Variants in PTPRN2 observed in about 807,000 individuals in gnomAD.
PTPRN2 encodes the protein protein tyrosine phosphatase receptor type N2.
A neutral mutation model predicts 118.8 loss-of-function variants in PTPRN2; 74 were observed. That is an observed-to-expected ratio of 0.62 (90% confidence interval 0.52 to 0.76). The LOEUF is 0.76. PTPRN2 is among the 30% of genes least tolerant of loss of function. PTPRN2 has a pLI of 0.00. For synonymous variants in PTPRN2, 641 were observed against 608.0 expected (o/e 1.05, Z -0.80); for missense variants, 1,481 against 1,394.4 (o/e 1.06, Z -0.99).
chr7:157,645,279 C>T (rs538470098), intron 14 of PTPRN2, among the ~76,000 whole-genome samples: 16 of 152,330 alleles, frequency 1.1e-4, no homozygotes, highest in African/African-American at 3.1e-4. Context: ...CTCAGTCTCA[C>T]GCAAGCCAGA....
rs115069223 is a variant in PTPRN2 at position 158,124,727 on chromosome 7, G to C, written c.1556+8950C>G. On this transcript the variant is annotated intron_variant, in intron 9 of 22. Coordinates refer to ENST00000389418, the MANE Select transcript of PTPRN2 (RefSeq NM_002847.5). ...AGGAGCCCAGCTGCCGGGGCGGAGG[G>C]AGGGCCTGGTGGAGTGTCCCCAAGA... Among the ~76,000 whole-genome samples, 908 of 152,266 alleles carry C rather than the reference G, an allele frequency of 6.0e-3. 12 individuals carry two copies. The highest frequency in any genetic ancestry group is 0.021 in the African/African-American group (877 of 41,562).
chr7:157,769,516 A>G (rs1802675417), intron 12 of PTPRN2, among the ~76,000 whole-genome samples: 1 of 152,168 alleles, frequency 6.6e-6, no homozygotes, highest in South Asian at 2.1e-4. Context: ...GGATTTTGGA[A>G]TTCAGCCACC....
intron 6 of PTPRN2, among the ~76,000 whole-genome samples, chr7:158,145,384 G>T (rs904389873): frequency 6.6e-6 from 1 of 152,246 alleles, no homozygotes; most frequent in African/African-American, 2.4e-5. Flanking sequence ...TCGTGAGAAG[G>T]GGCGGCAGTG....
At chr7:158,514,628 C>T (rs1486557302) in intron 1 of PTPRN2, among the ~76,000 whole-genome samples, 2 of 152,136 alleles carry the variant, frequency 1.3e-5, no homozygotes, top group Admixed American at 6.5e-5. Context: ...CTCACGGGTG[C>T]GTCAAAGAGA....
intron 13 of PTPRN2, among the ~76,000 whole-genome samples, chr7:157,665,879 CAA>C (rs1285236487): frequency 2.6e-5 from 4 of 152,160 alleles, no homozygotes; most frequent in African/African-American, 7.2e-5. Flanking sequence ...CAAAATATCA[CAA>C]AGACAGAAAA....
At chr7:158,065,210 C>T (rs1810665618) in intron 11 of PTPRN2, among the ~76,000 whole-genome samples, 1 of 152,228 alleles carries the variant, frequency 6.6e-6, no homozygotes, top group African/African-American at 2.4e-5. Flanking sequence ...ACCAACGTCT[C>T]TCCTGGTCAT....
At chr7:158,210,728 A>C (rs569547772) in intron 3 of PTPRN2, among the ~76,000 whole-genome samples, 147 of 152,342 alleles carry the variant, frequency 9.6e-4, no homozygotes, top group African/African-American at 3.4e-3. Context: ...AGAAATGGAT[A>C]AATTCCTAGA....
At chr7:157,876,930 T>C (rs1795801730) in intron 12 of PTPRN2, among the ~76,000 whole-genome samples, 1 of 152,192 alleles carries the variant, frequency 6.6e-6, no homozygotes, top group Non-Finnish European at 1.5e-5. Context: ...GAAATGGGCC[T>C]TGATGCCCTG....
chr7:157,771,846 A>T (rs1375489721), intron 12 of PTPRN2, among the ~76,000 whole-genome samples: 2 of 150,684 alleles, frequency 1.3e-5, no homozygotes, highest in South Asian at 4.2e-4. Context: ...CACAAGACAC[A>T]AACAGACACA....
At chr7:158,309,556 G>A (rs1032898139) in intron 3 of PTPRN2, among the ~76,000 whole-genome samples, 1 of 152,212 alleles carries the variant, frequency 6.6e-6, no homozygotes, top group African/African-American at 2.4e-5. Flanking sequence ...CCTGACTAAT[G>A]CATTTGACAA....
intron 13 of PTPRN2, among the ~76,000 whole-genome samples, chr7:157,669,387 A>C (rs1278016539): frequency 1.3e-5 from 2 of 151,992 alleles, no homozygotes; most frequent in Non-Finnish European, 2.9e-5. Context: ...TAACTTTTAC[A>C]CTTGGACCAA....
intron 11 of PTPRN2, among the ~76,000 whole-genome samples, chr7:158,063,267 T>TTTAG (rs1810498864): frequency 6.6e-6 from 1 of 151,990 alleles, no homozygotes; most frequent in Non-Finnish European, 1.5e-5. Context: ...CACTCTTGTG[T>TTTAG]CTAGCTAATG....
At chr7:157,762,602 G>T (rs1374515376) in intron 12 of PTPRN2, among the ~76,000 whole-genome samples, 1 of 120,358 alleles carries the variant, frequency 8.3e-6, no homozygotes, top group Non-Finnish European at 1.7e-5. Context: ...TGTGGGGTGG[G>T]GGGAGGGGGG....
chr7:158,077,030 C>T (rs1031471886), intron 11 of PTPRN2, among the ~76,000 whole-genome samples: 9 of 152,238 alleles, frequency 5.9e-5, no homozygotes, highest in African/African-American at 2.2e-4. Context: ...TTCACTTTGC[C>T]ATTACGCTTT....
intron 12 of PTPRN2, among the ~76,000 whole-genome samples, chr7:157,728,787 G>C (rs1799735808): frequency 1.3e-5 from 2 of 152,192 alleles, no homozygotes; most frequent in Non-Finnish European, 2.9e-5. Flanking sequence ...AATGAAATTG[G>C]AACAAAAAGG....
chr7:157,983,987 C>T (rs1803517289), intron 11 of PTPRN2, among the ~76,000 whole-genome samples: 1 of 152,068 alleles, frequency 6.6e-6, no homozygotes. Context: ...CCCAGCGCCG[C>T]GAGCATCTCT....
At chr7:158,477,647 T>C (rs140442368) in intron 2 of PTPRN2, among the ~76,000 whole-genome samples, 53 of 152,330 alleles carry the variant, frequency 3.5e-4, no homozygotes, top group African/African-American at 1.1e-3. Flanking sequence ...GAGAATTTGA[T>C]TTTAAAGAAT....
Position 157,603,541 on chromosome 7 carries a change from C to G in PTPRN2, c.2418+461G>C, listed in dbSNP as rs1801808731. On this transcript the variant is annotated intron_variant, in intron 16 of 22. Transcript: ENST00000389418. The surrounding 1 kb of genome is among the most constrained non-coding windows in gnomAD (Gnocchi z 5.4). ...GTCTCTTTCATAAGAAACAGGGTCCCATTCACTGGAAATACTTCAGGAAAA... is the reference window on the plus strand; with the variant it reads ...GTCTCTTTCATAAGAAACAGGGTCCGATTCACTGGAAATACTTCAGGAAAA... Among the ~76,000 whole-genome samples the G allele has an allele frequency of 6.6e-6, 1 of 152,194 alleles. No homozygotes were observed. Among genetic ancestry groups the G allele is most frequent in the Admixed American group, 6.5e-5 (1 of 15,278 alleles).
chr7:157,867,479 T>C (rs1191774411), intron 12 of PTPRN2, among the ~76,000 whole-genome samples: 1 of 115,004 alleles, frequency 8.7e-6, no homozygotes, highest in Admixed American at 9.2e-5. Context: ...CACCACCCTG[T>C]CCCTGACGCC....
Sources: gnomAD v4.1 joint callset for allele counts (sites outside exome capture counted in the v4.1 genomes callset) on GRCh38, gnomAD v4.1.1 for gene constraint, Gnocchi (gnomAD v3.1) non-coding constraint, MANE v1.5 for transcripts, NCBI Gene and HGNC (gene_info 2026-07-23, HGNC 2026-07-21) for gene names.